PLEKHA6: variants seen among roughly 807,000 people sequenced by gnomAD.
The protein encoded by PLEKHA6 is pleckstrin homology domain-containing family A member 6.
A neutral mutation model predicts 116.7 loss-of-function variants in PLEKHA6; 60 were observed. The observed-to-expected ratio is 0.51, with a 90% CI of 0.42 to 0.64. The LOEUF (loss-of-function observed/expected upper bound fraction) is 0.64. Among genes scored for constraint, PLEKHA6 ranks in the 30% least tolerant of loss-of-function variants. The pLI is 0.00. For synonymous variants in PLEKHA6, 489 were observed against 556.1 expected (o/e 0.88, Z 1.70); for missense variants, 1,338 against 1,422.7 (o/e 0.94, Z 0.96).
rs369110468 is a variant in PLEKHA6, at chr1:204,352,707, G to A, written c.-95+6987C>T. On this transcript the variant is annotated intron_variant, in intron 1 of 22. Transcript: ENST00000272203. ...TGAGTTTAAAAATTTTTTTTTGACC[G>A]GTCACAGTGGCTCACGCCTGTAGTC... Among the ~76,000 whole-genome samples, 9 of 152,126 alleles carry A rather than the reference G, an allele frequency of 5.9e-5. No individual in the cohort carries two copies. In the East Asian group the frequency reaches 1.5e-3, roughly 26 times the overall value.
intron 8 of PLEKHA6, among the ~76,000 whole-genome samples, chr1:204,258,604 T>G (rs933153248): frequency 6.6e-6 from 1 of 152,226 alleles, no homozygotes; most frequent in African/African-American, 2.4e-5. Flanking sequence ...TTCCTGAAGC[T>G]GTGGCCTGCA....
At chr1:204,335,695 A>T (rs894698291) in intron 1 of PLEKHA6, among the ~76,000 whole-genome samples, 7 of 151,980 alleles carry the variant, frequency 4.6e-5, no homozygotes, top group Non-Finnish European at 1.0e-4. Flanking sequence ...ACAGACAAGG[A>T]GTCATGTCAT....
At chr1:204,375,370 CCT>C (rs1166670079) in intron 1 of PLEKHA6, among the ~76,000 whole-genome samples, 1 of 152,100 alleles carries the variant, frequency 6.6e-6, no homozygotes, top group East Asian at 1.9e-4. Flanking sequence ...ATACTCCTGA[CCT>C]CTGTCAACTC....
At chr1:204,247,551 A>T in intron 12 of PLEKHA6, 91 bp from the exon 13 acceptor site, 1 of 798,960 alleles carries the variant, frequency 1.3e-6, no homozygotes, top group Non-Finnish European at 2.1e-6. Flanking sequence ...AGGGTACCAG[A>T]GGCACAAAGA....
chr1:204,257,972 A>C lies in PLEKHA6; in HGVS notation c.1008-103T>G, dbSNP rs534902431. On this transcript the variant is annotated intron_variant, in intron 8 of 22. Transcript: ENST00000272203. This position sits in a 1 kb window ranked among gnomAD's most constrained non-coding sequence, Gnocchi z 6.5. ...CCCCAGCCTAGAGCAGGGTGCTTGA[A>C]TAGGTACACAGGGGCTGAGGTTTAT... 1 of 1,011,460 alleles carries C rather than the reference A, an allele frequency of 9.9e-7. No homozygotes were observed. The highest frequency in any genetic ancestry group is 1.5e-6 in the Non-Finnish European group (1 of 685,126). The allele number at this position is 1,011,460 out of a possible 1,614,324, so 62.7% of individuals were successfully genotyped here. A position where few individuals can be genotyped will look rare whatever the true frequency, so the allele number is the denominator to read the frequency against.
intron 2 of PLEKHA6, 179 bp downstream of exon 2, chr1:204,274,550 G>T: frequency 1.0e-6 from 1 of 961,662 alleles, no homozygotes; most frequent in Non-Finnish European, 1.2e-6. Context: ...AGTGGATGAG[G>T]GTGTCAAGCC....
At chr1:204,249,019 T>C in intron 11 of PLEKHA6, 49 bp from the exon 12 acceptor site, 1 of 1,599,696 alleles carries the variant, frequency 6.3e-7, no homozygotes, top group Non-Finnish European at 8.5e-7. Context: ...AGCTCCTCTC[T>C]GGGATTGAAC....
intron 1 of PLEKHA6, among the ~76,000 whole-genome samples, chr1:204,285,912 C>T (rs779418502): frequency 1.3e-5 from 2 of 152,112 alleles, no homozygotes; most frequent in Admixed American, 6.5e-5. Flanking sequence ...ATTGGCCAAC[C>T]TCTAGCTGAC....
At chr1:204,373,890 C>G (rs1673821500) in intron 1 of PLEKHA6, among the ~76,000 whole-genome samples, 1 of 152,094 alleles carries the variant, frequency 6.6e-6, no homozygotes, top group Admixed American at 6.5e-5. Flanking sequence ...TACTGGGTCT[C>G]TGGTCTTGGC....
chr1:204,299,539 G>C (rs902111231), intron 1 of PLEKHA6: 14 of 748,776 alleles, frequency 1.9e-5, no homozygotes, highest in Non-Finnish European at 2.3e-5. Context: ...GCTCTGAGCC[G>C]GCAGCCAGCA....
chr1:204,248,414 A>G (rs1339064948), intron 12 of PLEKHA6, among the ~76,000 whole-genome samples: 1 of 152,066 alleles, frequency 6.6e-6, no homozygotes, highest in Non-Finnish European at 1.5e-5. Flanking sequence ...TTGGCCTCCC[A>G]AAGTGCTGGG....
chr1:204,339,827 A>C (rs114974320), intron 1 of PLEKHA6, among the ~76,000 whole-genome samples: 2,565 of 152,346 alleles, frequency 0.017, 63 homozygotes, highest in African/African-American at 0.055. Context: ...TGTTTGTATA[A>C]AATAATATTA....
intron 6 of PLEKHA6, among the ~76,000 whole-genome samples, chr1:204,263,934 C>T (rs1035621777): frequency 3.3e-5 from 5 of 152,148 alleles, no homozygotes; most frequent in African/African-American, 9.7e-5. Context: ...TCCTTCCTTG[C>T]TCCCTGTAGC....
rs34335278 is a variant in PLEKHA6, at chr1:204,248,155, C to CT, written c.1824+665dup. On this transcript the variant is annotated intron_variant, in intron 12 of 22. Coordinates refer to ENST00000272203, the MANE Select transcript of PLEKHA6 (RefSeq NM_014935.5). Reference sequence around the variant, plus strand: ...GGGAAGTAGTGACCAGGGCAGCAGCCTTTTTTTTTTTTTTTTTTTTGAGAT... The same window carrying CT: ...GGGAAGTAGTGACCAGGGCAGCAGCCTTTTTTTTTTTTTTTTTTTTTGAGAT... 1.8e-3 allele frequency among the ~76,000 whole-genome samples: 172 copies of CT among 95,226 alleles called. 4 individuals carry two copies. The highest frequency in any genetic ancestry group is 2.7e-3 in the African/African-American group (61 of 22,472). The allele number at this position is 95,226 out of a possible 152,430, so 62.5% of individuals were successfully genotyped here.
intron 1 of PLEKHA6, among the ~76,000 whole-genome samples, chr1:204,323,938 A>G (rs748336043): frequency 6.6e-6 from 1 of 152,226 alleles, no homozygotes; most frequent in South Asian, 2.1e-4. Context: ...GACTGACTCC[A>G]GAGCTGTGCT....
At chr1:204,263,005 A>G (rs1326421904) in intron 6 of PLEKHA6, among the ~76,000 whole-genome samples, 3 of 152,170 alleles carry the variant, frequency 2.0e-5, no homozygotes, top group Non-Finnish European at 4.4e-5. Context: ...CAGCAAATGA[A>G]TTCATCAATT....
At chr1:204,266,639 G>A (rs1008463799) in intron 5 of PLEKHA6, among the ~76,000 whole-genome samples, 1 of 146,586 alleles carries the variant, frequency 6.8e-6, no homozygotes. Flanking sequence ...AGCAACAGCA[G>A]TGCTCTGCAG....
chr1:204,341,974 G>A (rs759671147), intron 1 of PLEKHA6, among the ~76,000 whole-genome samples: 70 of 152,258 alleles, frequency 4.6e-4, no homozygotes, highest in East Asian at 1.9e-4. Context: ...ATCATTTGAT[G>A]TCAGGAATCA....
chr1:204,285,369 T>C lies in PLEKHA6; in HGVS notation c.-94-10560A>G, dbSNP rs61817059. On this transcript the variant is annotated intron_variant, in intron 1 of 22. Coordinates refer to ENST00000272203, the MANE Select transcript of PLEKHA6 (RefSeq NM_014935.5). Reference sequence around the variant, plus strand: ...ACAACAAAAAGTTAAAAATCAGAAATGATATACTCCAAAGTTCACTCAGAA... The same window carrying C: ...ACAACAAAAAGTTAAAAATCAGAAACGATATACTCCAAAGTTCACTCAGAA... Among the ~76,000 whole-genome samples the C allele has an allele frequency of 9.1e-3, 1,392 of 152,212 alleles. 14 individuals carry two copies. Among genetic ancestry groups the C allele is most frequent in the Non-Finnish European group, 0.014 (944 of 67,994 alleles).
Sources: gnomAD v4.1 joint callset for allele counts (sites outside exome capture counted in the v4.1 genomes callset) on GRCh38, gnomAD v4.1.1 for gene constraint, Gnocchi (gnomAD v3.1) non-coding constraint, MANE v1.5 for transcripts, NCBI Gene and HGNC (gene_info 2026-07-23, HGNC 2026-07-21) for gene names.